Variants in GRIK4 observed in about 807,000 individuals in gnomAD.
GRIK4 encodes glutamate receptor ionotropic, kainate 4.
GRIK4 carries 40 observed loss-of-function variants against 104.9 expected under a neutral mutation model. The ratio of observed to expected loss-of-function variants is 0.38; its 90% CI spans 0.30 to 0.50. The LOEUF is 0.50. Among genes scored for constraint, GRIK4 ranks in the 20% least tolerant of loss-of-function variants. The pLI is 0.93. For synonymous variants in GRIK4, 485 were observed against 524.9 expected (o/e 0.92, Z 1.04); for missense variants, 1,047 against 1,308.1 (o/e 0.80, Z 3.08).
intron 3 of GRIK4, among the ~76,000 whole-genome samples, chr11:120,693,418 T>C (rs1419363794): frequency 2.0e-5 from 3 of 152,204 alleles, no homozygotes; most frequent in Non-Finnish European, 4.4e-5. Flanking sequence ...ATTTATATTT[T>C]AGATACATCA....
chr11:120,858,952 A>G (rs1047855978), intron 8 of GRIK4: 3 of 152,226 alleles, frequency 2.0e-5, no homozygotes, highest in Admixed American at 6.5e-5. Flanking sequence ...CCCATGAGTC[A>G]TTATAAATAG....
At chr11:120,901,893 G>A (rs1942747228) in intron 12 of GRIK4, among the ~76,000 whole-genome samples, 1 of 152,204 alleles carries the variant, frequency 6.6e-6, no homozygotes, top group Non-Finnish European at 1.5e-5. Context: ...GAGGGGTGGG[G>A]TGCAGGCCGG....
At chr11:120,778,951 C>T (rs544608364) in intron 3 of GRIK4, among the ~76,000 whole-genome samples, 13 of 152,276 alleles carry the variant, frequency 8.5e-5, no homozygotes, top group East Asian at 3.9e-4. Flanking sequence ...AGACTCACGG[C>T]GGGGCTCCAC....
chr11:120,862,272 G>A lies in GRIK4; in HGVS notation c.906+152G>A, dbSNP rs1592000904. On this transcript the variant is annotated intron_variant, in intron 9 of 20. Transcript: ENST00000527524. ...AGGGAGGTAGAGAGGTGTGGGAAGTGGTTGCAGGGTATGAGGTTTGGGAAG... is the reference window on the plus strand; with the variant it reads ...AGGGAGGTAGAGAGGTGTGGGAAGTAGTTGCAGGGTATGAGGTTTGGGAAG... 7.3e-6 allele frequency: 5 copies of A among 683,152 alleles called. No individual in the cohort carries two copies. The East Asian group carries it at 1.3e-4, about 18-fold the overall frequency. The allele number at this position is 683,152 out of a possible 1,614,324, so 42.3% of individuals were successfully genotyped here.
chr11:120,731,342 CT>C (rs947073214), intron 3 of GRIK4, among the ~76,000 whole-genome samples: 18 of 150,464 alleles, frequency 1.2e-4, no homozygotes, highest in Non-Finnish European at 3.0e-5. Flanking sequence ...TGGTTTTTGT[CT>C]GTCATTCTTT....
At chr11:120,580,239 C>CTT (rs1168583202) in intron 1 of GRIK4, among the ~76,000 whole-genome samples, 2 of 139,450 alleles carry the variant, frequency 1.4e-5, no homozygotes, top group Non-Finnish European at 3.1e-5. Context: ...TTCTTTCTTT[C>CTT]TTTCTTTCTT....
At chr11:120,890,254 G>C (rs1565419248) in intron 11 of GRIK4, among the ~76,000 whole-genome samples, 1 of 152,166 alleles carries the variant, frequency 6.6e-6, no homozygotes, top group African/African-American at 2.4e-5. Flanking sequence ...TCCAGATGGA[G>C]AAGGTTCAGA....
At chr11:120,748,435 C>A (rs1433290288) in intron 3 of GRIK4, among the ~76,000 whole-genome samples, 4 of 152,076 alleles carry the variant, frequency 2.6e-5, no homozygotes, top group Admixed American at 6.5e-5. Flanking sequence ...TAGGGTGCTG[C>A]TGTGTAGCGG....
At chr11:120,779,839 T>C (rs1952116334) in intron 3 of GRIK4, among the ~76,000 whole-genome samples, 1 of 152,234 alleles carries the variant, frequency 6.6e-6, no homozygotes, top group South Asian at 2.1e-4. Flanking sequence ...TGATTTACTT[T>C]ATAGAACATT....
chr11:120,603,245 A>C (rs1162145395), intron 1 of GRIK4, among the ~76,000 whole-genome samples: 2 of 152,048 alleles, frequency 1.3e-5, no homozygotes, highest in African/African-American at 4.8e-5. Context: ...CCACAGGCCC[A>C]CCTCTCCCTG....
chr11:120,929,199 A>C (rs959178744), intron 13 of GRIK4, among the ~76,000 whole-genome samples: 2 of 152,178 alleles, frequency 1.3e-5, no homozygotes, highest in Non-Finnish European at 2.9e-5. Flanking sequence ...TGCAGGTGCC[A>C]TGTGACCCCT....
At position 120,814,775 on chromosome 11, in the gene GRIK4, C is replaced by T. The variant is rs1008004993; in HGVS notation, c.248-603C>T. On this transcript the variant is annotated intron_variant, in intron 4 of 20. Transcript: ENST00000527524. ...GGAGGGAACATGCCAGGCTTCAGGACGAAGTGAACGACGGGGGCATTGACA... is the reference window on the plus strand; with the variant it reads ...GGAGGGAACATGCCAGGCTTCAGGATGAAGTGAACGACGGGGGCATTGACA... 5.9e-5 allele frequency among the ~76,000 whole-genome samples: 9 copies of T among 152,304 alleles called. No individual in the cohort carries two copies. The East Asian group carries it at 1.2e-3, about 20-fold the overall frequency.
chr11:120,794,244 G>A (rs1952464785), intron 3 of GRIK4, among the ~76,000 whole-genome samples: 1 of 151,020 alleles, frequency 6.6e-6, no homozygotes, highest in South Asian at 2.1e-4. Context: ...TGAGAGCCAG[G>A]CGATGGTTAG....
intron 3 of GRIK4, among the ~76,000 whole-genome samples, chr11:120,682,045 C>T (rs888925188): frequency 5.3e-5 from 8 of 152,092 alleles, no homozygotes; most frequent in South Asian, 2.1e-4. Flanking sequence ...TTCTCAGCAT[C>T]GAGGAGTGAG....
intron 1 of GRIK4, among the ~76,000 whole-genome samples, chr11:120,634,035 T>C (rs1949365375): frequency 6.6e-6 from 1 of 152,232 alleles, no homozygotes; most frequent in African/African-American, 2.4e-5. Flanking sequence ...TTTCCGCTTA[T>C]GAGCAGTGTA....
chr11:120,837,944 G>T (rs1269354795), intron 8 of GRIK4, among the ~76,000 whole-genome samples: 1 of 152,264 alleles, frequency 6.6e-6, no homozygotes, highest in East Asian at 1.9e-4. Context: ...CCCTAAATTA[G>T]GCCGGCAACA....
chr11:120,916,070 T>C (rs1255796312), intron 13 of GRIK4, among the ~76,000 whole-genome samples: 1 of 152,172 alleles, frequency 6.6e-6, no homozygotes, highest in Non-Finnish European at 1.5e-5. Flanking sequence ...AGGAATAAGT[T>C]GGCCCAGGAG....
At chr11:120,869,269 C>T (rs761034645) in intron 9 of GRIK4, 4 of 152,490 alleles carry the variant, frequency 2.6e-5, no homozygotes, top group Non-Finnish European at 4.4e-5. Context: ...GGGGAGAAGA[C>T]GTTTGGGGTT....
intron 3 of GRIK4, among the ~76,000 whole-genome samples, chr11:120,732,023 TG>T (rs144406586): frequency 0.041 from 6,314 of 152,328 alleles, 199 homozygotes; most frequent in Non-Finnish European, 0.065. Context: ...TTGATTTTTT[TG>T]TATTCTTTGT....
Sources: gnomAD v4.1 joint callset for allele counts (sites outside exome capture counted in the v4.1 genomes callset) on GRCh38, gnomAD v4.1.1 for gene constraint, MANE v1.5 for transcripts, NCBI Gene and HGNC (gene_info 2026-07-23, HGNC 2026-07-21) for gene names.